SOX6: variants seen among roughly 807,000 people sequenced by gnomAD.
The protein encoded by SOX6 is transcription factor SOX-6.
Under a neutral mutation model 97.8 loss-of-function variants are expected in SOX6, and 11 were observed. The ratio of observed to expected loss-of-function variants is 0.11; its 90% CI spans 0.07 to 0.19. The LOEUF (loss-of-function observed/expected upper bound fraction) is 0.19, where lower values mean the gene tolerates loss of function less well. Among genes scored for constraint, SOX6 ranks in the 10% least tolerant of loss-of-function variants. The pLI is 1.00. For missense variants in SOX6, 810 were observed against 1,039.5 expected (o/e 0.78, Z 3.04); for synonymous variants, 360 against 371.4 (o/e 0.97, Z 0.35).
intron 3 of SOX6, among the ~76,000 whole-genome samples, chr11:16,289,420 G>C (rs1445209554): frequency 1.3e-5 from 2 of 151,900 alleles, no homozygotes; most frequent in African/African-American, 4.8e-5. Flanking sequence ...AAATAGCTAA[G>C]GTTTTCAGCA....
At chr11:16,583,647 ACAC>A (rs1324261565) in intron 4 of SOX6, among the ~76,000 whole-genome samples, 13 of 143,602 alleles carry the variant, frequency 9.1e-5, no homozygotes, top group Admixed American at 7.7e-4. Flanking sequence ...ACACATACAC[ACAC>A]CACATTTTCT....
chr11:16,170,571 C>T (rs1228974031), intron 6 of SOX6, among the ~76,000 whole-genome samples: 1 of 151,940 alleles, frequency 6.6e-6, no homozygotes, highest in Non-Finnish European at 1.5e-5. Context: ...TGCTTTTAAA[C>T]CTAGCTTTGG....
chr11:16,284,542 A>G (rs528025644), intron 3 of SOX6, among the ~76,000 whole-genome samples: 1 of 152,214 alleles, frequency 6.6e-6, no homozygotes, highest in African/African-American at 2.4e-5. Context: ...TCCCCAACAG[A>G]TATTTATTGA....
At chr11:16,263,182 G>A (rs1853956162) in intron 3 of SOX6, among the ~76,000 whole-genome samples, 1 of 151,842 alleles carries the variant, frequency 6.6e-6, no homozygotes, top group African/African-American at 2.4e-5. Flanking sequence ...CAATGATGGT[G>A]ATGAACTCTA....
intron 3 of SOX6, among the ~76,000 whole-genome samples, chr11:16,273,690 T>C (rs1854319709): frequency 6.6e-6 from 1 of 151,822 alleles, no homozygotes; most frequent in Non-Finnish European, 1.5e-5. Flanking sequence ...ATCAAGAATA[T>C]AATGCTAAAG....
At chr11:16,184,566 A>G (rs1275853450) in intron 5 of SOX6, among the ~76,000 whole-genome samples, 1 of 152,160 alleles carries the variant, frequency 6.6e-6, no homozygotes, top group Non-Finnish European at 1.5e-5. Context: ...TTTGAGAACA[A>G]TGTGTTTATT....
chr11:16,237,739 T>G (rs1853068175), intron 3 of SOX6, among the ~76,000 whole-genome samples: 1 of 152,050 alleles, frequency 6.6e-6, no homozygotes, highest in African/African-American at 2.4e-5. Context: ...CATAAATATA[T>G]TTTACAAATT....
chr11:16,665,999 TAATGCAGATACA>T (rs1847804600), intron 3 of SOX6, among the ~76,000 whole-genome samples: 1 of 152,208 alleles, frequency 6.6e-6, no homozygotes, highest in Non-Finnish European at 1.5e-5. Context: ...TACTGCTACC[TAATGCAGATACA>T]GATGCAGTGA....
intron 1 of SOX6, among the ~76,000 whole-genome samples, chr11:16,349,103 T>A (rs1272758360): frequency 6.6e-6 from 1 of 152,104 alleles, no homozygotes; most frequent in East Asian, 1.9e-4. Context: ...ATTCCTAAGA[T>A]ACAAATTAAA....
intron 4 of SOX6, among the ~76,000 whole-genome samples, chr11:16,233,859 T>G (rs1278689801): frequency 6.6e-6 from 1 of 151,174 alleles, no homozygotes; most frequent in Non-Finnish European, 1.5e-5. Context: ...ATACAAAAAT[T>G]AACTGGGCGT....
intron 4 of SOX6, among the ~76,000 whole-genome samples, chr11:16,487,051 C>A (rs1468545071): frequency 6.6e-6 from 1 of 151,926 alleles, no homozygotes; most frequent in Non-Finnish European, 1.5e-5. Flanking sequence ...AACTCCCGGG[C>A]TAAAGAGTAA....
rs538844898 is a variant in SOX6, at chr11:16,541,496, C to G, written n.610-65108G>C. Among the ~76,000 whole-genome samples the G allele has an allele frequency of 4.6e-5, 7 of 152,224 alleles. No homozygotes were observed. The South Asian group carries it at 1.5e-3, about 32-fold the overall frequency. ...TGGATCTAATTAAACAGCTTCTGCA[C>G]AGCAAAAGAAACTATCATCAGAGTG... On this transcript the variant is annotated intron_variant and non_coding_transcript_variant, in intron 4 of 5. Transcript: ENST00000524520.
At chr11:16,486,455 T>A (rs1002358469) in intron 4 of SOX6, among the ~76,000 whole-genome samples, 6 of 152,166 alleles carry the variant, frequency 3.9e-5, no homozygotes, top group Non-Finnish European at 8.8e-5. Flanking sequence ...TAATAATAGT[T>A]TTTAAAAAGG....
chr11:16,722,657 A>T (rs573248339), intron 2 of SOX6, among the ~76,000 whole-genome samples: 7 of 152,296 alleles, frequency 4.6e-5, no homozygotes, highest in Admixed American at 1.3e-4. Context: ...TCTCAAAAAA[A>T]AAAGGCAAAG....
At chr11:16,306,864 T>C (rs1222135772) in intron 3 of SOX6, among the ~76,000 whole-genome samples, 2 of 152,018 alleles carry the variant, frequency 1.3e-5, no homozygotes, top group Non-Finnish European at 2.9e-5. Flanking sequence ...GACCGCGTGA[T>C]CCACCCGCCT....
At position 16,438,673 on chromosome 11, in the gene SOX6, G is replaced by A. The variant is rs138492971; in HGVS notation, c.-5+37642C>T. Among the ~76,000 whole-genome samples the A allele has an allele frequency of 5.7e-3, 869 of 151,232 alleles. 12 individuals are homozygous for A. The highest frequency in any genetic ancestry group is 0.019 in the African/African-American group (775 of 41,152). ...AGGATCTGATCTACCTATCTCTGTC[G>A]TTTGGTGATACTCTTTCTACAATAT... is the stretch of plus-strand genomic sequence containing the variant. On this transcript the variant is annotated intron_variant, in intron 1 of 15. Transcript: ENST00000396356.
rs117758241 is a variant in SOX6, at chr11:16,019,473, T to G, written c.1624-4423A>C. Among the ~76,000 whole-genome samples, 27 of 152,206 alleles carry G rather than the reference T, an allele frequency of 1.8e-4. No individual in the cohort carries two copies. The East Asian group carries it at 4.7e-3, about 26-fold the overall frequency. ...ATAGCTAATACAGGTAAAAAATGATTATCTCATGTTATTTTTATGTGTAAA... is the reference window on the plus strand; with the variant it reads ...ATAGCTAATACAGGTAAAAAATGATGATCTCATGTTATTTTTATGTGTAAA... On this transcript the variant is annotated intron_variant, in intron 12 of 15. Transcript: ENST00000683767.
At chr11:16,028,993 G>A (rs1379509362) in intron 12 of SOX6, among the ~76,000 whole-genome samples, 2 of 152,184 alleles carry the variant, frequency 1.3e-5, no homozygotes, top group Non-Finnish European at 2.9e-5. Context: ...AAACTGAAAT[G>A]CAGCACATTG....
At chr11:16,388,489 A>C (rs1858065493) in intron 1 of SOX6, among the ~76,000 whole-genome samples, 1 of 152,022 alleles carries the variant, frequency 6.6e-6, no homozygotes, top group Non-Finnish European at 1.5e-5. Context: ...TTATTTCTTA[A>C]ATATTTGATA....
Sources: gnomAD v4.1 joint callset for allele counts (sites outside exome capture counted in the v4.1 genomes callset) on GRCh38, gnomAD v4.1.1 for gene constraint, MANE v1.5 for transcripts, NCBI Gene and HGNC (gene_info 2026-07-23, HGNC 2026-07-21) for gene names.